Variants in RNF13 observed in about 807,000 individuals in gnomAD.
RNF13 encodes the protein ring finger protein 13, also known as E3 ubiquitin-protein ligase RNF13.
A neutral mutation model predicts 37.7 loss-of-function variants in RNF13; 19 were observed. The observed-to-expected ratio is 0.50, with a 90% CI of 0.35 to 0.74. The LOEUF is 0.74. Among genes scored for constraint, RNF13 ranks in the 30% least tolerant of loss-of-function variants. The pLI, the probability that RNF13 is intolerant of heterozygous loss-of-function variation, is 0.01. For missense variants in RNF13, 375 were observed against 453.0 expected (o/e 0.83, Z 1.56); for synonymous variants, 144 against 157.8 (o/e 0.91, Z 0.65).
intron 8 of RNF13, among the ~76,000 whole-genome samples, chr3:149,930,434 G>A (rs1343784205): frequency 1.3e-5 from 2 of 152,164 alleles, no homozygotes; most frequent in African/African-American, 4.8e-5. Context: ...TGGTCATGGT[G>A]TATAATTTTT....
chr3:149,831,092 G>T (rs546998757), intron 1 of RNF13, among the ~76,000 whole-genome samples: 1 of 152,380 alleles, frequency 6.6e-6, no homozygotes, highest in Non-Finnish European at 1.5e-5. Context: ...CCAGACAGAA[G>T]TTTGCTGCGG....
intron 4 of RNF13, among the ~76,000 whole-genome samples, chr3:149,877,472 CTTTTTTT>C (rs369676407): frequency 9.9e-6 from 1 of 101,486 alleles, no homozygotes; most frequent in African/African-American, 3.8e-5. Context: ...TTCTTTCTGT[CTTTTTTT>C]TTTTTTTTTT....
intron 8 of RNF13, among the ~76,000 whole-genome samples, chr3:149,921,986 T>C (rs1718173476): frequency 6.6e-6 from 1 of 152,078 alleles, no homozygotes; most frequent in African/African-American, 2.4e-5. Context: ...GTTTTTTTTT[T>C]CTTTTGAGAC....
In RNF13 at chr3:149,921,019, A is replaced by G. The variant is rs1169730126; in HGVS notation, c.607-115A>G. 1.6e-5 allele frequency: 6 copies of G among 366,398 alleles called. No homozygotes were observed. The South Asian group carries it at 3.4e-4, about 21-fold the overall frequency. The allele number at this position is 366,398 out of a possible 1,614,324, so 22.7% of individuals were successfully genotyped here. A position where few individuals can be genotyped will look rare whatever the true frequency, so the allele number is the denominator to read the frequency against. On this transcript the variant is annotated intron_variant, in intron 7 of 9. Coordinates refer to ENST00000392894, the MANE Select transcript of RNF13 (RefSeq NM_183381.3). Reference sequence around the variant, plus strand: ...ACTATTGCAATTAGAATTTAAATGAATTGAATTGATTTGCAGTAGCTATCC... The same window carrying G: ...ACTATTGCAATTAGAATTTAAATGAGTTGAATTGATTTGCAGTAGCTATCC...
intron 5 of RNF13, among the ~76,000 whole-genome samples, chr3:149,898,478 C>G (rs1180189640): frequency 6.6e-6 from 1 of 151,998 alleles, no homozygotes; most frequent in Non-Finnish European, 1.5e-5. Context: ...CCGGGTACTG[C>G]TTGTTAGGGT....
Position 149,921,154 on chromosome 3 carries a change from T to G in RNF13, c.627T>G (p.Asp209Glu). The change falls in exon 8 of 10, where the codon GAT becomes GAG. Residue 209 changes from aspartate (D) to glutamate (E), a missense_variant. Coordinates refer to ENST00000392894, the MANE Select transcript of RNF13 (RefSeq NM_183381.3). ...TTTAGATCACAAAATTTGTCCAGGA[T>G]AGACATAGAGCTAGAAGAAACAGAC... ...VIFMITKFVQ[D>E]RHRARRNRLR... is the part of the protein sequence containing the mutation. The G allele has an allele frequency of 7.1e-7, 1 of 1,399,924 alleles. No individual in the cohort carries two copies. The highest frequency in any genetic ancestry group is 9.4e-7 in the Non-Finnish European group (1 of 1,059,202). The allele number at this position is 1,399,924 out of a possible 1,614,324, so 86.7% of individuals were successfully genotyped here. A position where few individuals can be genotyped will look rare whatever the true frequency, so the allele number is the denominator to read the frequency against.
intron 4 of RNF13, among the ~76,000 whole-genome samples, chr3:149,882,881 A>T (rs1713586009): frequency 6.6e-6 from 1 of 152,168 alleles, no homozygotes; most frequent in Non-Finnish European, 1.5e-5. Context: ...CCCTCAAGAC[A>T]AAAGCTTGTG....
chr3:149,933,938 A>G (rs1719432295), intron 8 of RNF13, among the ~76,000 whole-genome samples: 1 of 152,122 alleles, frequency 6.6e-6, no homozygotes, highest in Non-Finnish European at 1.5e-5. Flanking sequence ...CAATCATGTC[A>G]TCTGTGAACA....
intron 4 of RNF13, among the ~76,000 whole-genome samples, chr3:149,889,580 G>C (rs1714465300): frequency 6.6e-6 from 1 of 151,652 alleles, no homozygotes; most frequent in Admixed American, 6.6e-5. Context: ...TGGGATTAAA[G>C]GCGTGAGCCA....
intron 4 of RNF13, among the ~76,000 whole-genome samples, chr3:149,879,134 T>G (rs1467427351): frequency 1.3e-5 from 2 of 152,072 alleles, no homozygotes; most frequent in Non-Finnish European, 1.5e-5. Context: ...CTTTTCACCT[T>G]TTTGTGTTTT....
At chr3:149,895,261 A>T (rs1715122748) in intron 4 of RNF13, 1 of 382,398 alleles carries the variant, frequency 2.6e-6, no homozygotes, top group South Asian at 9.3e-5. Context: ...AGAGGTGGGA[A>T]TTGAATGCTC....
chr3:149,864,056 T>TTGTAGTA (rs569627279), intron 3 of RNF13, among the ~76,000 whole-genome samples: 38 of 146,476 alleles, frequency 2.6e-4, no homozygotes, highest in African/African-American at 9.2e-4. Flanking sequence ...GATGATGTGG[T>TTGTAGTA]TGTAGTATTA....
intron 8 of RNF13, among the ~76,000 whole-genome samples, chr3:149,959,753 G>A (rs1278944250): frequency 6.6e-6 from 1 of 152,074 alleles, no homozygotes; most frequent in East Asian, 1.9e-4. Flanking sequence ...ATTTTATCTG[G>A]CATTAAATAT....
intron 7 of RNF13, among the ~76,000 whole-genome samples, chr3:149,920,918 T>A (rs1410725284): frequency 6.6e-6 from 1 of 151,806 alleles, no homozygotes; most frequent in East Asian, 1.9e-4. Context: ...ATAATCAAGA[T>A]CAATTAATAA....
In RNF13 at chr3:149,960,886, C is replaced by G; in HGVS notation, c.928C>G (p.Pro310Ala). Residue 310 changes from proline to alanine, a missense_variant, in exon 10 of 10, where the codon CCT becomes GCT. Physicochemically the swap from Pro to Ala is conservative, Grantham distance 27 (BLOSUM62 -1). Transcript: ENST00000392894. ...AGAAAATGAAGTGACAGAACATACC[C>G]CTTTACTGAGACCTTTAGCTTCTGT... ...QEENEVTEHT[P>A]LLRPLASVSA... 6.2e-7 allele frequency: 1 copy of G among 1,614,152 alleles called. No individual in the cohort carries two copies. The highest frequency in any genetic ancestry group is 8.5e-7 in the Non-Finnish European group (1 of 1,180,030).
intron 4 of RNF13, among the ~76,000 whole-genome samples, chr3:149,875,433 TCTTA>T (rs1343875155): frequency 7.9e-5 from 12 of 152,206 alleles, no homozygotes; most frequent in East Asian, 3.8e-4. Context: ...CCTACACTTT[TCTTA>T]CTTCTTTAAA....
rs571946999 is a variant in RNF13, at chr3:149,817,882, G to C, written c.-17+4529G>C. The stretch of plus-strand genomic sequence containing the variant: ...CCCAGAACCTATTATAAGAAAAAAA[G>C]GAAAACATCTGGAGACCCTTTGTAC... On this transcript the variant is annotated intron_variant, in intron 1 of 9. Coordinates refer to ENST00000392894, the MANE Select transcript of RNF13 (RefSeq NM_183381.3). Among the ~76,000 whole-genome samples, 228 of 152,106 alleles carry C rather than the reference G, an allele frequency of 1.5e-3. 1 individual carries two copies. Among genetic ancestry groups the C allele is most frequent in the African/African-American group, 5.2e-3 (214 of 41,476 alleles).
intron 1 of RNF13, among the ~76,000 whole-genome samples, chr3:149,841,018 T>C (rs928363159): frequency 8.5e-5 from 13 of 152,262 alleles, no homozygotes; most frequent in African/African-American, 3.1e-4. Context: ...TCAAGCATCA[T>C]GCTTTCTTTC....
intron 1 of RNF13, among the ~76,000 whole-genome samples, chr3:149,816,125 T>A (rs922555970): frequency 1.3e-5 from 2 of 151,710 alleles, no homozygotes; most frequent in African/African-American, 4.8e-5. Flanking sequence ...GTATGAAACT[T>A]TAGGGTTCAA....
Sources: allele counts gnomAD v4.1 joint callset (sites outside exome capture counted in the v4.1 genomes callset), GRCh38; gene constraint gnomAD v4.1.1; transcripts MANE v1.5; gene names NCBI Gene and HGNC (gene_info 2026-07-23, HGNC 2026-07-21).